SMOC1: variants seen among roughly 807,000 people sequenced by gnomAD.
The protein encoded by SMOC1 is SPARC related modular calcium binding 1.
Under a neutral mutation model 56.3 loss-of-function variants are expected in SMOC1, and 22 were observed. That is an observed-to-expected ratio of 0.39 (90% CI 0.28 to 0.56). The LOEUF is 0.56. Among genes scored for constraint, SMOC1 ranks in the 20% least tolerant of loss-of-function variants. The pLI is 0.61. For missense variants in SMOC1, 509 were observed against 565.4 expected (o/e 0.90, Z 1.01); for synonymous variants, 193 against 215.0 (o/e 0.90, Z 0.89).
rs750193585 is a variant in SMOC1, at chr14:69,975,830, G to A, written c.478+16G>A. Reference sequence around the variant, plus strand: ...GTATGTTCAGGTACCGTAGGGAGGGGCGGGAAGAATGAAAAGGGTTGGAGA... The same window carrying A: ...GTATGTTCAGGTACCGTAGGGAGGGACGGGAAGAATGAAAAGGGTTGGAGA... On this transcript the variant is annotated intron_variant, in intron 4 of 11. Coordinates refer to ENST00000361956, the MANE Select transcript of SMOC1 (RefSeq NM_001034852.3). The A allele has an allele frequency of 6.3e-7, 1 of 1,588,292 alleles. No homozygotes were observed. The highest frequency in any genetic ancestry group is 1.1e-5 in the South Asian group (1 of 90,396).
intron 7 of SMOC1, among the ~76,000 whole-genome samples, chr14:70,003,527 G>T (rs1885045850): frequency 1.3e-5 from 2 of 152,184 alleles, no homozygotes; most frequent in South Asian, 4.1e-4. Flanking sequence ...TGTGAGAGGG[G>T]TGACATAATG....
chr14:69,944,561 A>C (rs1248828710), intron 1 of SMOC1, among the ~76,000 whole-genome samples: 2 of 152,234 alleles, frequency 1.3e-5, no homozygotes, highest in Non-Finnish European at 2.9e-5. Flanking sequence ...TTAGGGTGTC[A>C]AAAAATTGAC....
At chr14:70,002,403 T>C (rs1471243) in intron 7 of SMOC1, among the ~76,000 whole-genome samples, 81,737 of 152,082 alleles carry the variant, frequency 0.54, 22,482 homozygotes, top group African/African-American at 0.62. Context: ...ACAATTTCGG[T>C]GGCTGACTTT....
intron 3 of SMOC1, among the ~76,000 whole-genome samples, chr14:69,965,076 G>A (rs1883518772): frequency 6.6e-6 from 1 of 152,086 alleles, no homozygotes; most frequent in South Asian, 2.1e-4. Flanking sequence ...ACAACCAAAG[G>A]ATGGATAAAA....
rs569071310 is a variant in SMOC1, at chr14:69,942,458, CT to C, written c.100-9676del. 2.9e-3 allele frequency among the ~76,000 whole-genome samples: 439 copies of C among 152,226 alleles called. 4 individuals are homozygous for C. The highest frequency in any genetic ancestry group is 9.6e-3 in the African/African-American group (397 of 41,532). ...AATTTGCGTGGAGTACAATTGACCC[CT>C]TTTAGGTGTACACTTTTATGAATTT... On this transcript the variant is annotated intron_variant, in intron 1 of 11. Coordinates refer to ENST00000361956, the MANE Select transcript of SMOC1 (RefSeq NM_001034852.3).
chr14:69,905,092 T>C (rs1028793769), intron 1 of SMOC1, among the ~76,000 whole-genome samples: 13 of 152,252 alleles, frequency 8.5e-5, no homozygotes, highest in African/African-American at 2.9e-4. Flanking sequence ...ATGGTGATGA[T>C]AATACAAACA....
chr14:70,021,612 C>T (rs1238916607), intron 10 of SMOC1, among the ~76,000 whole-genome samples: 1 of 152,220 alleles, frequency 6.6e-6, no homozygotes, highest in Non-Finnish European at 1.5e-5. Context: ...CCACTAATTG[C>T]ATCCTCCTGG....
At chr14:69,977,083 A>G (rs1883989195) in intron 4 of SMOC1, among the ~76,000 whole-genome samples, 1 of 152,222 alleles carries the variant, frequency 6.6e-6, no homozygotes, top group Non-Finnish European at 1.5e-5. Flanking sequence ...GACTAGAAAC[A>G]AGCCATGCAG....
intron 1 of SMOC1, among the ~76,000 whole-genome samples, chr14:69,951,492 T>C (rs1480190524): frequency 6.6e-6 from 1 of 152,242 alleles, no homozygotes; most frequent in East Asian, 1.9e-4. Flanking sequence ...TTATTGTTGT[T>C]ATTTTAAAAA....
intron 1 of SMOC1, among the ~76,000 whole-genome samples, chr14:69,945,078 C>G (rs1343344715): frequency 6.6e-6 from 1 of 152,158 alleles, no homozygotes; most frequent in Admixed American, 6.5e-5. Context: ...GAAAAAAGAG[C>G]TACTTCTTCA....
intron 10 of SMOC1, among the ~76,000 whole-genome samples, chr14:70,021,224 C>G (rs765567325): frequency 4.6e-5 from 7 of 152,162 alleles, no homozygotes; most frequent in Non-Finnish European, 1.0e-4. Context: ...GCTCCACAGC[C>G]TGTGTCCTCC....
chr14:69,935,252 T>C (rs1885266339), intron 1 of SMOC1, among the ~76,000 whole-genome samples: 1 of 152,232 alleles, frequency 6.6e-6, no homozygotes, highest in African/African-American at 2.4e-5. Flanking sequence ...GCAACCTCTA[T>C]TTTAAGTGTC....
At chr14:69,881,491 G>T (rs1233876477) in intron 1 of SMOC1, among the ~76,000 whole-genome samples, 1 of 152,130 alleles carries the variant, frequency 6.6e-6, no homozygotes, top group Non-Finnish European at 1.5e-5. Context: ...CTAGGGACTT[G>T]AGGGGAAATC....
chr14:69,973,750 G>A (rs1883862151), intron 3 of SMOC1, among the ~76,000 whole-genome samples: 1 of 152,218 alleles, frequency 6.6e-6, no homozygotes, highest in Admixed American at 6.5e-5. Flanking sequence ...TGGGGAAAAT[G>A]ACGGTGTTTG....
chr14:69,952,400 TC>T, intron 2 of SMOC1, 97 bp downstream of exon 2: 2 of 1,449,562 alleles, frequency 1.4e-6, no homozygotes, highest in Non-Finnish European at 1.9e-6. Flanking sequence ...AGTAAGTCTG[TC>T]CACTCACTTT....
chr14:69,905,921 A>G (rs1884395649), intron 1 of SMOC1, among the ~76,000 whole-genome samples: 1 of 152,248 alleles, frequency 6.6e-6, no homozygotes, highest in Admixed American at 6.5e-5. Context: ...CTAAGTGAAG[A>G]TATTTGTGCA....
At chr14:70,021,220 C>T in intron 10 of SMOC1, among the ~76,000 whole-genome samples, 1 of 152,164 alleles carries the variant, frequency 6.6e-6, no homozygotes, top group South Asian at 2.1e-4. Context: ...CTCTGCTCCA[C>T]AGCCTGTGTC....
At chr14:69,999,142 T>C (rs955564883) in intron 7 of SMOC1, among the ~76,000 whole-genome samples, 11 of 152,192 alleles carry the variant, frequency 7.2e-5, no homozygotes, top group African/African-American at 2.7e-4. Context: ...TTTTCTCATG[T>C]CACCTTACCT....
intron 3 of SMOC1, among the ~76,000 whole-genome samples, chr14:69,974,177 G>A (rs1345574330): frequency 6.6e-6 from 1 of 152,132 alleles, no homozygotes; most frequent in Non-Finnish European, 1.5e-5. Flanking sequence ...CTGAGGTCAC[G>A]ATCTTGAGAG....
Sources: allele counts gnomAD v4.1 joint callset (sites outside exome capture counted in the v4.1 genomes callset), GRCh38; gene constraint gnomAD v4.1.1; transcripts MANE v1.5; gene names NCBI Gene and HGNC (gene_info 2026-07-23, HGNC 2026-07-21).